Variants in NUP160 observed in about 807,000 individuals in gnomAD.
NUP160 encodes the protein nucleoporin 160, also known as nuclear pore complex protein Nup160.
A neutral mutation model predicts 196.9 loss-of-function variants in NUP160; 94 were observed. The ratio of observed to expected loss-of-function variants is 0.48; its 90% CI spans 0.40 to 0.57. NUP160 has a LOEUF of 0.57. Ranked by LOEUF, NUP160 falls within the 20% of genes least tolerant of loss-of-function variation. NUP160 has a pLI of 0.00. For missense variants in NUP160, 1,638 were observed against 1,748.3 expected (o/e 0.94, Z 1.13); for synonymous variants, 605 against 619.7 (o/e 0.98, Z 0.35).
At chr11:47,806,608 C>G (rs998421739) in intron 19 of NUP160, 8 of 287,716 alleles carry the variant, frequency 2.8e-5, no homozygotes, top group Non-Finnish European at 5.2e-5. Flanking sequence ...ACAATTAGCC[C>G]CAGGATTTCA....
chr11:47,794,489 T>G (rs985149684), intron 27 of NUP160, among the ~76,000 whole-genome samples: 5 of 150,886 alleles, frequency 3.3e-5, no homozygotes. Context: ...ACAAAAACAG[T>G]TGGGCACAGT....
exon 28 of NUP160, chr11:47,792,907 C>T (rs761143118): frequency 1.4e-5 from 22 of 1,613,992 alleles, no homozygotes; most frequent in Non-Finnish European, 1.9e-5. Context: ...TCGAACTTCT[C>T]TGCCAAGCCG....
intron 34 of NUP160, among the ~76,000 whole-genome samples, chr11:47,782,108 C>T (rs1441805053): frequency 6.6e-6 from 1 of 151,012 alleles, no homozygotes; most frequent in East Asian, 1.9e-4. Flanking sequence ...ATGGTGAAGC[C>T]CCATCTCTAC....
intron 22 of NUP160, among the ~76,000 whole-genome samples, chr11:47,802,510 G>A (rs2097674795): frequency 6.6e-6 from 1 of 152,028 alleles, no homozygotes; most frequent in Admixed American, 6.6e-5. Flanking sequence ...GTAGCAATAT[G>A]TTAACAATTG....
chr11:47,825,319 A>G (rs767164653), intron 7 of NUP160, among the ~76,000 whole-genome samples: 5 of 147,956 alleles, frequency 3.4e-5, no homozygotes, highest in Non-Finnish European at 6.0e-5. Flanking sequence ...GTCTCGCTCT[A>G]TTGCCTAGGT....
intron 5 of NUP160, among the ~76,000 whole-genome samples, chr11:47,837,301 G>A (rs1405371748): frequency 2.0e-5 from 3 of 152,102 alleles, no homozygotes; most frequent in African/African-American, 2.4e-5. Flanking sequence ...GTAAGTCGGG[G>A]CAGAGCACTG....
intron 6 of NUP160, among the ~76,000 whole-genome samples, chr11:47,836,058 C>T (rs1416258657): frequency 6.6e-6 from 1 of 152,086 alleles, no homozygotes; most frequent in African/African-American, 2.4e-5. Context: ...ACCAGCCTGG[C>T]CAACATAGTG....
chr11:47,781,240 A>G (rs1565183872), intron 34 of NUP160, among the ~76,000 whole-genome samples: 1 of 152,028 alleles, frequency 6.6e-6, no homozygotes, highest in Non-Finnish European at 1.5e-5. Context: ...ATAAAAAAAT[A>G]AAAATAAAAA....
chr11:47,804,180 C>G (rs1465138847), intron 21 of NUP160: 1 of 141,210 alleles, frequency 7.1e-6, no homozygotes, highest in Non-Finnish European at 1.5e-5. Flanking sequence ...GACTCCGTTT[C>G]AGGAAAAAAA....
At chr11:47,835,804 T>C in exon 7 of NUP160, 3 of 1,579,692 alleles carry the variant, frequency 1.9e-6, no homozygotes, top group Non-Finnish European at 2.6e-6. Flanking sequence ...TTAGGCACAT[T>C]TGCTCCTGTC....
At chr11:47,834,749 G>A (rs1852142235) in intron 7 of NUP160, among the ~76,000 whole-genome samples, 1 of 152,110 alleles carries the variant, frequency 6.6e-6, no homozygotes, top group African/African-American at 2.4e-5. Context: ...GGGTGATATG[G>A]CCAGGTGTGA....
intron 13 of NUP160, 45 bp from the exon 14 acceptor site, chr11:47,813,460 T>C: frequency 1.6e-6 from 2 of 1,273,180 alleles, no homozygotes; most frequent in Non-Finnish European, 2.3e-6. Context: ...AGTAAAATTT[T>C]AAAGGTATAA....
At chr11:47,812,513 G>T in intron 15 of NUP160, 84 bp from the exon 16 acceptor site, 4 of 1,289,562 alleles carry the variant, frequency 3.1e-6, no homozygotes, top group Non-Finnish European at 4.3e-6. Flanking sequence ...AATACATTAT[G>T]AAACAAGAGA....
At chr11:47,792,606 C>T (rs1429139253) in intron 28 of NUP160, 180 bp downstream of exon 28, 1 of 579,792 alleles carries the variant, frequency 1.7e-6, no homozygotes, top group African/African-American at 1.9e-5. Flanking sequence ...AACTTGAAAA[C>T]TAAAGGGGTA....
At chr11:47,845,055 T>C (rs1852373180) in intron 2 of NUP160, among the ~76,000 whole-genome samples, 1 of 152,058 alleles carries the variant, frequency 6.6e-6, no homozygotes, top group Admixed American at 6.5e-5. Flanking sequence ...AATCCACCCC[T>C]GTTTAGCATA....
At chr11:47,821,847 G>A (rs370170693) in intron 8 of NUP160, 26 bp from the exon 9 acceptor site, 11 of 1,555,870 alleles carry the variant, frequency 7.1e-6, no homozygotes, top group African/African-American at 4.1e-5. Flanking sequence ...GGAAAAAAAG[G>A]GATAAAATAA....
Position 47,838,492 on chromosome 11 carries a change from G to C in NUP160, c.749-869C>G, listed in dbSNP as rs563716928. On this transcript the variant is annotated intron_variant, in intron 4 of 35. Transcript: ENST00000378460. ...GGAAGCTGAGGCAGGCGGATCACTT[G>C]AGGTCAGGAGTTCGAGACCAGCCTA... Among the ~76,000 whole-genome samples, 3 of 152,244 alleles carry C rather than the reference G, an allele frequency of 2.0e-5. No homozygotes were observed. The South Asian group carries it at 6.2e-4, about 32-fold the overall frequency.
intron 19 of NUP160, 111 bp downstream of exon 19, chr11:47,806,959 A>G: frequency 2.8e-6 from 2 of 723,448 alleles, no homozygotes; most frequent in East Asian, 2.6e-5. Context: ...GCCTTCTGAA[A>G]GCAAAGAGCC....
chr11:47,819,451 C>A (rs776777928), exon 10 of NUP160: 4 of 1,611,710 alleles, frequency 2.5e-6, no homozygotes, highest in Non-Finnish European at 3.4e-6. Context: ...CACTGACCTG[C>A]AACATTACTA....
Sources: gnomAD v4.1 joint callset for allele counts (sites outside exome capture counted in the v4.1 genomes callset) on GRCh38, gnomAD v4.1.1 for gene constraint, MANE v1.5 for transcripts, NCBI Gene and HGNC (gene_info 2026-07-23, HGNC 2026-07-21) for gene names.